Variants in WDR70 observed in about 807,000 individuals in gnomAD.
WDR70 encodes the protein WD repeat domain 70, also known as WD repeat-containing protein 70.
In WDR70, 53 loss-of-function variants were observed where a neutral mutation model predicts 88.6. The ratio of observed to expected loss-of-function variants is 0.60; its 90% CI spans 0.48 to 0.75. The LOEUF is 0.75. Among genes scored for constraint, WDR70 ranks in the 30% least tolerant of loss-of-function variants. WDR70 has a pLI of 0.00. For synonymous variants in WDR70, 280 were observed against 270.0 expected (o/e 1.04, Z -0.36); for missense variants, 610 against 823.2 (o/e 0.74, Z 3.17).
chr5:37,453,425 A>G lies in WDR70; in HGVS notation c.686+10053A>G, dbSNP rs371431355. 7.4e-4 allele frequency among the ~76,000 whole-genome samples: 113 copies of G among 152,378 alleles called. No homozygotes were observed. In the East Asian group the frequency reaches 0.015, roughly 21 times the overall value. ...CTGAAATAAAGGGATGGGTTGGGCT[A>G]GTTATCTGCAGCAGGAGCATGTCCT... On this transcript the variant is annotated intron_variant, in intron 7 of 17. Coordinates refer to ENST00000265107, the MANE Select transcript of WDR70 (RefSeq NM_018034.4).
chr5:37,642,154 T>C lies in WDR70; in HGVS notation c.1092+36916T>C, dbSNP rs1438455814. Among the ~76,000 whole-genome samples the C allele has an allele frequency of 2.0e-5, 3 of 152,242 alleles. No homozygotes were observed. The East Asian group carries it at 5.8e-4, about 29-fold the overall frequency. On this transcript the variant is annotated intron_variant, in intron 10 of 17. Coordinates refer to ENST00000265107, the MANE Select transcript of WDR70 (RefSeq NM_018034.4). ...TCTGAGATCAGCTAACTGGTGATGA[T>C]TCATTTCACATTTTAGTTCTCTTAG...
chr5:37,589,978 G>C (rs972633293), intron 9 of WDR70, among the ~76,000 whole-genome samples: 3 of 152,130 alleles, frequency 2.0e-5, no homozygotes, highest in Non-Finnish European at 4.4e-5. Context: ...TGGTTTATAA[G>C]AGCAGAGTGT....
intron 17 of WDR70, among the ~76,000 whole-genome samples, chr5:37,750,469 A>G (rs1748773181): frequency 6.6e-6 from 1 of 152,288 alleles, no homozygotes; most frequent in East Asian, 1.9e-4. Flanking sequence ...CCGGAAGTTC[A>G]GTTACAGTGA....
chr5:37,586,651 A>G (rs1240020022), intron 9 of WDR70, among the ~76,000 whole-genome samples: 1 of 136,952 alleles, frequency 7.3e-6, no homozygotes, highest in East Asian at 2.1e-4. Flanking sequence ...ATGAGTGAGA[A>G]CATGCACACA....
At chr5:37,467,049 A>C (rs541081360) in intron 7 of WDR70, among the ~76,000 whole-genome samples, 1 of 152,172 alleles carries the variant, frequency 6.6e-6, no homozygotes, top group East Asian at 1.9e-4. Flanking sequence ...TAGCCTGGGC[A>C]GCATGGCAAA....
intron 10 of WDR70, among the ~76,000 whole-genome samples, chr5:37,606,194 T>C (rs535672371): frequency 1.2e-4 from 19 of 152,284 alleles, no homozygotes; most frequent in Middle Eastern, 3.4e-3. Flanking sequence ...GCAGATGTGT[T>C]GGAAGAAGGT....
At chr5:37,536,382 T>C (rs1184707924) in intron 9 of WDR70, among the ~76,000 whole-genome samples, 2 of 152,158 alleles carry the variant, frequency 1.3e-5, no homozygotes, top group Non-Finnish European at 2.9e-5. Flanking sequence ...ATTATTAAAA[T>C]AAAGAAATTT....
At chr5:37,665,684 G>C (rs1199312862) in intron 10 of WDR70, among the ~76,000 whole-genome samples, 3 of 152,188 alleles carry the variant, frequency 2.0e-5, no homozygotes, top group African/African-American at 7.2e-5. Flanking sequence ...ACTATTTTCT[G>C]CAGCAATTGG....
chr5:37,633,502 T>G (rs1744873243), intron 10 of WDR70, among the ~76,000 whole-genome samples: 1 of 151,752 alleles, frequency 6.6e-6, no homozygotes, highest in South Asian at 2.1e-4. Context: ...CTAGATCTAG[T>G]AGCCAGATGA....
chr5:37,434,244 G>A (rs917421485), intron 5 of WDR70, among the ~76,000 whole-genome samples: 17 of 152,170 alleles, frequency 1.1e-4, no homozygotes, highest in Non-Finnish European at 1.9e-4. Context: ...ACAGCATGGG[G>A]AAACTGCCCC....
rs756446462 is a variant in WDR70 at position 37,398,087 on chromosome 5, A to AT, written c.492+1535dup. Among the ~76,000 whole-genome samples, 800 of 121,382 alleles carry AT rather than the reference A, an allele frequency of 6.6e-3. 8 individuals are homozygous for AT. Among genetic ancestry groups the AT allele is most frequent in the African/African-American group, 9.2e-3 (302 of 32,874 alleles). 79.6% of individuals were successfully genotyped at this position (121,382 alleles called of 152,430 possible). ...TTGTATTTGACACTTGGGGTAGATAATTTTTTTTTTTTTTTTTTGAGACGG... is the reference window on the plus strand; with the variant it reads ...TTGTATTTGACACTTGGGGTAGATAATTTTTTTTTTTTTTTTTTTGAGACGG... On this transcript the variant is annotated intron_variant, in intron 5 of 17. Coordinates refer to ENST00000265107, the MANE Select transcript of WDR70 (RefSeq NM_018034.4).
intron 8 of WDR70, among the ~76,000 whole-genome samples, chr5:37,511,269 T>G (rs1189830129): frequency 1.1e-4 from 16 of 152,194 alleles, no homozygotes; most frequent in Admixed American, 1.0e-3. Flanking sequence ...TTTGTTTGTA[T>G]ATTTATTATA....
chr5:37,406,022 G>A (rs919444948), intron 5 of WDR70, among the ~76,000 whole-genome samples: 5 of 152,156 alleles, frequency 3.3e-5, no homozygotes, highest in Non-Finnish European at 7.4e-5. Context: ...CAGCCTGAGT[G>A]ACAGAGTGAG....
Position 37,752,629 on chromosome 5 carries a change from G to GTTT in WDR70, c.*64_*66dup. 2 of 1,132,652 alleles carry GTTT rather than the reference G, an allele frequency of 1.8e-6. No homozygotes were observed. Among genetic ancestry groups the GTTT allele is most frequent in the Non-Finnish European group, 1.2e-6 (1 of 812,490 alleles). 70.2% of individuals were successfully genotyped at this position (1,132,652 alleles called of 1,614,324 possible). ...TGGGAGGGGTATGGGACAGGTTTGG[G>GTTT]TTTTTTTTTTATGCTCATGAAATTA... On this transcript the variant is annotated 3_prime_UTR_variant, in exon 18 of 18. Coordinates refer to ENST00000265107, the MANE Select transcript of WDR70 (RefSeq NM_018034.4).
At chr5:37,449,854 G>A (rs1354772386) in intron 7 of WDR70, among the ~76,000 whole-genome samples, 3 of 151,932 alleles carry the variant, frequency 2.0e-5, no homozygotes, top group East Asian at 1.9e-4. Context: ...ACCCATTAAC[G>A]CATCATCTAC....
chr5:37,597,216 T>G (rs965338440), intron 9 of WDR70, among the ~76,000 whole-genome samples: 1 of 152,206 alleles, frequency 6.6e-6, no homozygotes, highest in African/African-American at 2.4e-5. Context: ...TAAGTAACAC[T>G]TAGAAATGAC....
At chr5:37,704,053 T>C (rs945668532) in intron 13 of WDR70, among the ~76,000 whole-genome samples, 5 of 152,218 alleles carry the variant, frequency 3.3e-5, no homozygotes, top group African/African-American at 1.2e-4. Context: ...CTATGAAGTC[T>C]TAATTTGCGG....
At chr5:37,640,963 G>A (rs1745086033) in intron 10 of WDR70, among the ~76,000 whole-genome samples, 1 of 152,202 alleles carries the variant, frequency 6.6e-6, no homozygotes, top group Admixed American at 6.5e-5. Flanking sequence ...GCCTCACTGA[G>A]TTAGCATAAT....
At chr5:37,493,329 T>G (rs1166746661) in intron 8 of WDR70, among the ~76,000 whole-genome samples, 2 of 152,156 alleles carry the variant, frequency 1.3e-5, no homozygotes, top group Non-Finnish European at 2.9e-5. Context: ...CCTAATGCAT[T>G]CCTTGCCACA....
Sources: gnomAD v4.1 joint callset for allele counts (sites outside exome capture counted in the v4.1 genomes callset) on GRCh38, gnomAD v4.1.1 for gene constraint, MANE v1.5 for transcripts, NCBI Gene and HGNC (gene_info 2026-07-23, HGNC 2026-07-21) for gene names.